SNTG2: variants seen among roughly 807,000 people sequenced by gnomAD.
SNTG2 encodes the protein gamma-2-syntrophin.
Under a neutral mutation model 70.9 loss-of-function variants are expected in SNTG2, and 74 were observed. The ratio of observed to expected loss-of-function variants is 1.04; its 90% confidence interval spans 0.86 to 1.27. The LOEUF (loss-of-function observed/expected upper bound fraction) is 1.27. SNTG2 is among the 50% of genes most tolerant of loss of function. The pLI is 0.00. For synonymous variants in SNTG2, 278 were observed against 273.8 expected (o/e 1.02, Z -0.15); for missense variants, 717 against 690.7 (o/e 1.04, Z -0.43).
chr2:1,122,707 C>T (rs1458929393), intron 4 of SNTG2, among the ~76,000 whole-genome samples: 2 of 114,124 alleles, frequency 1.8e-5, no homozygotes, highest in Non-Finnish European at 3.4e-5. Flanking sequence ...GAAGTACTTG[C>T]AATTAGCAAT....
chr2:1,238,467 T>A (rs1676830470), intron 10 of SNTG2, among the ~76,000 whole-genome samples: 1 of 152,232 alleles, frequency 6.6e-6, no homozygotes. Flanking sequence ...GCAAAAACAT[T>A]ACTTCTCAAA....
intron 14 of SNTG2, among the ~76,000 whole-genome samples, chr2:1,302,260 G>C (rs953009212): frequency 5.3e-5 from 8 of 151,992 alleles, no homozygotes; most frequent in African/African-American, 1.9e-4. Flanking sequence ...CGCCCGGCCT[G>C]TGTTTACTAA....
chr2:1,130,617 A>T (rs921744255), intron 4 of SNTG2, among the ~76,000 whole-genome samples: 3 of 152,222 alleles, frequency 2.0e-5, no homozygotes, highest in African/African-American at 7.2e-5. Context: ...GAACTCCTGC[A>T]AACATTTTAT....
intron 16 of SNTG2, among the ~76,000 whole-genome samples, chr2:1,329,030 C>T (rs2148281437): frequency 6.6e-6 from 1 of 152,254 alleles, no homozygotes; most frequent in South Asian, 2.1e-4. Flanking sequence ...TGACTACAGA[C>T]TCTTAAAAAA....
At chr2:1,121,688 C>A (rs572991800) in intron 4 of SNTG2, among the ~76,000 whole-genome samples, 1 of 152,230 alleles carries the variant, frequency 6.6e-6, no homozygotes, top group South Asian at 2.1e-4. Flanking sequence ...GCAGGAGGAA[C>A]TAGCTACCAC....
At chr2:1,142,001 C>T (rs189516583) in intron 6 of SNTG2, among the ~76,000 whole-genome samples, 16 of 152,210 alleles carry the variant, frequency 1.1e-4, no homozygotes, top group African/African-American at 1.9e-4. Context: ...CTCTGCTTTA[C>T]GGAGGCTAAC....
intron 16 of SNTG2, among the ~76,000 whole-genome samples, chr2:1,351,795 C>T (rs778931611): frequency 6.6e-6 from 1 of 152,166 alleles, no homozygotes; most frequent in African/African-American, 2.4e-5. Context: ...GTTCCAGGAA[C>T]GCCAACCCCC....
At chr2:1,067,813 C>T (rs756629601) in intron 1 of SNTG2, among the ~76,000 whole-genome samples, 2 of 152,124 alleles carry the variant, frequency 1.3e-5, no homozygotes, top group African/African-American at 2.4e-5. Flanking sequence ...TCAAATGACC[C>T]CCACCCGTAA....
At chr2:992,158 C>T (rs997156898) in intron 1 of SNTG2, among the ~76,000 whole-genome samples, 30 of 151,882 alleles carry the variant, frequency 2.0e-4, no homozygotes, top group Admixed American at 9.2e-4. Context: ...ATCAATACTG[C>T]GGAACTGAAA....
intron 1 of SNTG2, among the ~76,000 whole-genome samples, chr2:979,605 A>G (rs1211949872): frequency 2.6e-5 from 4 of 152,138 alleles, no homozygotes; most frequent in African/African-American, 9.7e-5. Context: ...TTGCTAAGGA[A>G]TATGCTCCCC....
intron 8 of SNTG2, among the ~76,000 whole-genome samples, chr2:1,175,321 C>T (rs1210510070): frequency 1.3e-5 from 2 of 152,190 alleles, no homozygotes; most frequent in African/African-American, 4.8e-5. Flanking sequence ...CAATATCACA[C>T]TATGTAATTA....
At chr2:1,154,195 G>T (rs1422813844) in intron 6 of SNTG2, among the ~76,000 whole-genome samples, 1 of 151,930 alleles carries the variant, frequency 6.6e-6, no homozygotes, top group Non-Finnish European at 1.5e-5. Context: ...TGGTTGGGGG[G>T]AGAAGGGCCC....
At chr2:1,070,118 A>G (rs1558363936) in intron 1 of SNTG2, among the ~76,000 whole-genome samples, 4 of 152,026 alleles carry the variant, frequency 2.6e-5, no homozygotes. Flanking sequence ...GATGTCGGCA[A>G]TTTCTGCCAG....
intron 8 of SNTG2, among the ~76,000 whole-genome samples, chr2:1,179,444 C>T (rs1671711876): frequency 2.0e-5 from 3 of 152,124 alleles, no homozygotes; most frequent in African/African-American, 4.8e-5. Flanking sequence ...GGAGCCAAAT[C>T]ATGAGTGAAC....
intron 14 of SNTG2, among the ~76,000 whole-genome samples, chr2:1,267,783 G>A (rs1224048375): frequency 6.6e-6 from 1 of 152,184 alleles, no homozygotes; most frequent in Admixed American, 6.5e-5. Context: ...GGGGAGGAGA[G>A]GATTTTGTGT....
At chr2:993,309 C>T (rs1474947991) in intron 1 of SNTG2, among the ~76,000 whole-genome samples, 3 of 146,694 alleles carry the variant, frequency 2.0e-5, no homozygotes, top group Admixed American at 1.4e-4. Flanking sequence ...TTTTGCTTAG[C>T]ATAATGATTT....
At chr2:1,222,037 GTCTC>G (rs1280796799) in intron 9 of SNTG2, among the ~76,000 whole-genome samples, 163 of 3,976 alleles carry the variant, frequency 0.041, 50 homozygotes, top group East Asian at 0.093. Flanking sequence ...GCCTATCTCT[GTCTC>G]TCTCTGTCTC....
intron 14 of SNTG2, among the ~76,000 whole-genome samples, chr2:1,278,622 G>T (rs1679368862): frequency 6.6e-6 from 1 of 152,138 alleles, no homozygotes; most frequent in Non-Finnish European, 1.5e-5. Context: ...CAGACTTCAT[G>T]GCCATTTCTA....
intron 11 of SNTG2, among the ~76,000 whole-genome samples, chr2:1,246,943 T>C (rs556246440): frequency 6.6e-6 from 1 of 152,346 alleles, no homozygotes; most frequent in Admixed American, 6.5e-5. Context: ...CTATGTTCAC[T>C]ATAGGAATGA....
Sources: allele counts gnomAD v4.1 joint callset (sites outside exome capture counted in the v4.1 genomes callset), GRCh38; gene constraint gnomAD v4.1.1; transcripts MANE v1.5; gene names NCBI Gene and HGNC (gene_info 2026-07-23, HGNC 2026-07-21).